Variants in DDX52 observed in about 807,000 individuals in gnomAD.
The protein encoded by DDX52 is DExD-box helicase 52.
A neutral mutation model predicts 76.1 loss-of-function variants in DDX52; 59 were observed. The observed-to-expected ratio is 0.78, with a 90% confidence interval of 0.63 to 0.96. DDX52 has a LOEUF of 0.96. Among genes scored for constraint, DDX52 ranks in the 40% least tolerant of loss-of-function variants. The pLI is 0.00. For synonymous variants in DDX52, 231 were observed against 244.1 expected (o/e 0.95, Z 0.50); for missense variants, 707 against 703.9 (o/e 1.00, Z -0.05).
chr17:37,638,933 C>A (rs1386222063), intron 2 of DDX52, among the ~76,000 whole-genome samples: 1 of 151,926 alleles, frequency 6.6e-6, no homozygotes, highest in Non-Finnish European at 1.5e-5. Context: ...CCATATCTGG[C>A]TAATTTTTTT....
In DDX52 at chr17:37,632,129, A is replaced by G. The variant is rs1388073541; in HGVS notation, c.587T>C (p.Ile196Thr). 42 of 1,613,034 alleles carry G rather than the reference A, an allele frequency of 2.6e-5. No individual in the cohort carries two copies. The highest frequency in any genetic ancestry group is 3.5e-5 in the Non-Finnish European group (41 of 1,179,888). The change falls in exon 4 of 15, where the codon ATC becomes ACC. Residue 196 changes from isoleucine to threonine, a missense_variant. By Grantham distance (89) the Ile-to-Thr change is moderately conservative. Transcript: ENST00000617633. ...QMPTPIQMQA[I>T]PVMLHGRELL... Reference sequence around the variant, plus strand: ...CATACTCACATGCAGCATAACTGGGATGGCTTGCATTTGGATTGGCGTAGG... The same window carrying G: ...CATACTCACATGCAGCATAACTGGGGTGGCTTGCATTTGGATTGGCGTAGG...
chr17:37,628,245 T>C (rs746354780), intron 6 of DDX52, among the ~76,000 whole-genome samples: 3 of 152,156 alleles, frequency 2.0e-5, no homozygotes. Flanking sequence ...TTTAACAACA[T>C]CCTTGGCTAT....
intron 2 of DDX52, among the ~76,000 whole-genome samples, chr17:37,641,542 T>A (rs1598772710): frequency 1.3e-5 from 2 of 152,062 alleles, no homozygotes; most frequent in East Asian, 3.9e-4. Flanking sequence ...ATCCAGGCCA[T>A]CGTGGCCAAC....
intron 2 of DDX52, 49 bp from the exon 3 acceptor site, chr17:37,633,467 T>C (rs1568607947): frequency 2.1e-6 from 3 of 1,408,266 alleles, no homozygotes; most frequent in South Asian, 1.5e-5. Flanking sequence ...CTAGGCAACA[T>C]AGTGAGGACC....
intron 4 of DDX52, 75 bp from the exon 5 acceptor site, chr17:37,630,248 C>T: frequency 7.2e-7 from 1 of 1,396,462 alleles, no homozygotes; most frequent in Non-Finnish European, 9.6e-7. Flanking sequence ...ATAACGCTAC[C>T]AGCCATAGAA....
At chr17:37,642,768 C>T (rs1206059815) in intron 1 of DDX52, 1 of 166,532 alleles carries the variant, frequency 6.0e-6, no homozygotes, top group Non-Finnish European at 1.3e-5. Context: ...CACATCCAAA[C>T]AACAAAGTAG....
chr17:37,618,293 GT>G lies in DDX52; in HGVS notation c.1740del (p.Lys580AsnfsTer14). 21 of 1,597,146 alleles carry G rather than the reference GT, an allele frequency of 1.3e-5. No individual in the cohort carries two copies. The highest frequency in any genetic ancestry group is 1.8e-5 in the Non-Finnish European group (21 of 1,175,146). On this transcript the variant is annotated frameshift_variant and splice_region_variant, in exon 14 of 15. Coordinates refer to ENST00000617633, the MANE Select transcript of DDX52 (RefSeq NM_007010.5). LOFTEE classifies it high-confidence loss of function. ...PKCFLEKAKD[K>X]QKKVTGQNSK... ...CCATTTTTCTTACCACATACTTACT[GT>G]TTATCCTTAGCTTTTTCTAAGAAAC...
At position 37,620,984 on chromosome 17, in the gene DDX52, G is replaced by A. The variant is rs185752903; in HGVS notation, c.1502-36C>T. On this transcript the variant is annotated intron_variant, in intron 11 of 14. Coordinates refer to ENST00000617633, the MANE Select transcript of DDX52 (RefSeq NM_007010.5). The stretch of plus-strand genomic sequence containing the variant: ...TTAGACCATTAAAAAACACATTTTG[G>A]GGGGAAGGAGGCTCTCAAAATTCAT... The A allele has an allele frequency of 2.0e-3, 3,127 of 1,570,102 alleles. 4 individuals carry two copies. The highest frequency in any genetic ancestry group is 2.5e-3 in the Non-Finnish European group (2,916 of 1,165,834).
intron 1 of DDX52, 105 bp from the exon 2 acceptor site, chr17:37,642,413 G>A: frequency 1.5e-6 from 2 of 1,298,744 alleles, no homozygotes; most frequent in Non-Finnish European, 1.1e-6. Flanking sequence ...CTTTCACCAA[G>A]TATCTGTCGA....
chr17:37,619,607 G>C (rs2029971096), intron 13 of DDX52, among the ~76,000 whole-genome samples, 161 bp downstream of exon 13: 1 of 151,900 alleles, frequency 6.6e-6, no homozygotes, highest in Non-Finnish European at 1.5e-5. Context: ...AGCTACTTAG[G>C]GGACTGAGGC....
intron 2 of DDX52, among the ~76,000 whole-genome samples, chr17:37,638,244 A>T (rs1174742186): frequency 6.6e-6 from 1 of 152,188 alleles, no homozygotes; most frequent in African/African-American, 2.4e-5. Context: ...TTATTATGAG[A>T]GTGTCTGAAG....
chr17:37,621,593 G>C (rs2030099722), intron 9 of DDX52, 73 bp from the exon 10 acceptor site: 35 of 1,508,884 alleles, frequency 2.3e-5, no homozygotes, highest in Non-Finnish European at 3.0e-5. Context: ...TAATTTGATT[G>C]TAGCTTTTAA....
At chr17:37,641,536 AGGCCATCGT>A (rs1430524758) in intron 2 of DDX52, among the ~76,000 whole-genome samples, 1 of 152,174 alleles carries the variant, frequency 6.6e-6, no homozygotes, top group East Asian at 1.9e-4. Context: ...CAAGTGATCC[AGGCCATCGT>A]GGCCAACATG....
At chr17:37,626,300 A>G (rs983257686) in intron 7 of DDX52, among the ~76,000 whole-genome samples, 2 of 151,772 alleles carry the variant, frequency 1.3e-5, no homozygotes, top group Admixed American at 1.3e-4. Flanking sequence ...TCTCATCTCG[A>G]ATTGTAATCC....
At chr17:37,629,898 G>A in intron 5 of DDX52, 132 bp downstream of exon 5, 4 of 1,200,700 alleles carry the variant, frequency 3.3e-6, no homozygotes, top group Non-Finnish European at 4.6e-6. Flanking sequence ...GGAGCACTGT[G>A]CTGTGTAGAG....
chr17:37,625,639 T>A (rs1229776920), intron 8 of DDX52, among the ~76,000 whole-genome samples: 1 of 152,176 alleles, frequency 6.6e-6, no homozygotes, highest in Non-Finnish European at 1.5e-5. Flanking sequence ...AGAGCTCATG[T>A]TATACTCTGT....
At position 37,621,439 on chromosome 17, in the gene DDX52, T is replaced by C; in HGVS notation, c.1309A>G (p.Ile437Val). 2 of 1,613,870 alleles carry C rather than the reference T, an allele frequency of 1.2e-6. No homozygotes were observed. Among genetic ancestry groups the C allele is most frequent in the Non-Finnish European group, 1.7e-6 (2 of 1,179,926 alleles). Residue 437 changes from isoleucine (I) to valine (V), a missense_variant, in exon 10 of 15, where the codon ATT becomes GTT. Coordinates refer to ENST00000617633, the MANE Select transcript of DDX52 (RefSeq NM_007010.5). ...ELFHELIYEG[I>V]NVDVIHAERT... ...TCTGCATGAATAACATCCACATTAA[T>C]ACCTTCATATATGAGCTCATGAAAA...
At chr17:37,620,699 A>T in intron 12 of DDX52, 174 bp downstream of exon 12, 1 of 525,876 alleles carries the variant, frequency 1.9e-6, no homozygotes, top group African/African-American at 2.0e-5. Context: ...CGGAAGGGCA[A>T]AAACAAGGCC....
rs761009980 is a variant in DDX52, at chr17:37,626,816, G to A, written c.904C>T (p.Gln302Ter). 2 of 1,611,576 alleles carry A rather than the reference G, an allele frequency of 1.2e-6. No homozygotes were observed. Among genetic ancestry groups the A allele is most frequent in the East Asian group, 4.5e-5 (2 of 44,792 alleles). Reference protein sequence around the residue: ...TPNRLIYLLKQDPPGIDLASV... With the variant: ...TPNRLIYLLK ...GCTAGGTCGATTCCGGGGGGATCTT[G>A]CTTTAATAAATAGATTAGTCGATTT... The change falls in exon 7 of 15, where the codon CAA becomes TAA. Residue 302 changes from glutamine (Q) to a stop codon, truncating the protein, a stop_gained. Transcript: ENST00000617633. LOFTEE classifies it high-confidence loss of function.
Sources: allele counts gnomAD v4.1 joint callset (sites outside exome capture counted in the v4.1 genomes callset), GRCh38; gene constraint gnomAD v4.1.1; transcripts MANE v1.5; gene names NCBI Gene and HGNC (gene_info 2026-07-23, HGNC 2026-07-21).